Variants in ETS1 observed in about 807,000 individuals in gnomAD.
ETS1 encodes protein C-ets-1.
Under a neutral mutation model 58.6 loss-of-function variants are expected in ETS1, and 15 were observed. That is an observed-to-expected ratio of 0.26 (90% confidence interval 0.17 to 0.39). ETS1 has a LOEUF of 0.39. ETS1 is among the 10% of genes least tolerant of loss of function. ETS1 has a pLI of 1.00. For missense variants in ETS1, 417 were observed against 610.5 expected (o/e 0.68, Z 3.34); for synonymous variants, 214 against 218.2 (o/e 0.98, Z 0.17).
chr11:128,575,531 G>C (rs773022462), intron 1 of ETS1, among the ~76,000 whole-genome samples: 17 of 152,288 alleles, frequency 1.1e-4, no homozygotes, highest in Middle Eastern at 3.4e-3. Flanking sequence ...ACGGTCCTGG[G>C]CACTTGAAAC....
At chr11:128,583,628 A>C (rs1864918842) in intron 1 of ETS1, among the ~76,000 whole-genome samples, 1 of 152,204 alleles carries the variant, frequency 6.6e-6, no homozygotes, top group African/African-American at 2.4e-5. Flanking sequence ...CAAAGTGAAA[A>C]GTTTTTTTTA....
chr11:128,515,230 C>A (rs1277724509), intron 3 of ETS1, among the ~76,000 whole-genome samples: 1 of 151,712 alleles, frequency 6.6e-6, no homozygotes, highest in Non-Finnish European at 1.5e-5. Flanking sequence ...CCCTCTACTT[C>A]AAAGTTCATT....
intron 3 of ETS1, among the ~76,000 whole-genome samples, chr11:128,555,220 C>A (rs924948807): frequency 6.6e-6 from 1 of 152,194 alleles, no homozygotes; most frequent in East Asian, 1.9e-4. Context: ...CCATGGAGTG[C>A]CACAGCATCT....
intron 3 of ETS1, among the ~76,000 whole-genome samples, chr11:128,541,674 C>T (rs564655399): frequency 6.2e-4 from 95 of 152,230 alleles, no homozygotes; most frequent in Admixed American, 1.2e-3. Flanking sequence ...CCACAATGAT[C>T]CTGACAGATT....
At chr11:128,466,086 A>T (rs1862025982) in intron 8 of ETS1, among the ~76,000 whole-genome samples, 1 of 152,206 alleles carries the variant, frequency 6.6e-6, no homozygotes, top group African/African-American at 2.4e-5. Flanking sequence ...TTCTCACAGC[A>T]GTTGCAGGAC....
intron 3 of ETS1, among the ~76,000 whole-genome samples, chr11:128,541,596 G>C (rs764507142): frequency 6.6e-6 from 1 of 152,188 alleles, no homozygotes; most frequent in Non-Finnish European, 1.5e-5. Flanking sequence ...CAAAGTTTGT[G>C]TTGTTTTCTT....
chr11:128,473,411 T>C (rs1194479336), intron 8 of ETS1, among the ~76,000 whole-genome samples: 1 of 152,214 alleles, frequency 6.6e-6, no homozygotes, highest in Non-Finnish European at 1.5e-5. Flanking sequence ...CATAAACTAA[T>C]TCATTAGTTC....
intron 3 of ETS1, among the ~76,000 whole-genome samples, chr11:128,501,081 C>T (rs534882145): frequency 2.0e-5 from 3 of 152,288 alleles, no homozygotes; most frequent in African/African-American, 7.2e-5. Flanking sequence ...TATCTGGCAG[C>T]TTTTCCCCTG....
At chr11:128,585,020 GAA>G (rs1565420977) in intron 1 of ETS1, among the ~76,000 whole-genome samples, 187 of 15,890 alleles carry the variant, frequency 0.012, 25 homozygotes, top group East Asian at 0.023. Context: ...AGGAAAGAAA[GAA>G]GAAAGAAAGA....
intron 3 of ETS1, among the ~76,000 whole-genome samples, chr11:128,518,420 T>C (rs1771435312): frequency 6.6e-6 from 1 of 152,238 alleles, no homozygotes; most frequent in African/African-American, 2.4e-5. Context: ...ATAGTATTTA[T>C]TATGGATCAG....
At chr11:128,528,404 T>C (rs547543704) in intron 3 of ETS1, among the ~76,000 whole-genome samples, 3 of 152,214 alleles carry the variant, frequency 2.0e-5, no homozygotes, top group East Asian at 3.9e-4. Flanking sequence ...TTCTCAGTCT[T>C]TTCCTCACAT....
At chr11:128,495,127 C>T (rs560880854) in intron 3 of ETS1, among the ~76,000 whole-genome samples, 1 of 152,146 alleles carries the variant, frequency 6.6e-6, no homozygotes, top group Non-Finnish European at 1.5e-5. Flanking sequence ...GTCCCCATTT[C>T]ACAGATGAGG....
intron 8 of ETS1, among the ~76,000 whole-genome samples, chr11:128,469,952 G>A (rs558538247): frequency 4.6e-5 from 7 of 152,308 alleles, no homozygotes; most frequent in Admixed American, 6.5e-5. Flanking sequence ...TTCTATAAAC[G>A]TGTTCCTGTA....
chr11:128,556,169 G>T, intron 3 of ETS1, 122 bp downstream of exon 3: 1 of 840,682 alleles, frequency 1.2e-6, no homozygotes, highest in Non-Finnish European at 1.8e-6. Flanking sequence ...TTCCATTCAA[G>T]AACAATAGCA....
chr11:128,513,055 G>C (rs1332113004), intron 3 of ETS1, among the ~76,000 whole-genome samples: 2 of 152,240 alleles, frequency 1.3e-5, no homozygotes, highest in African/African-American at 4.8e-5. Context: ...TCTTGGTTCA[G>C]TGCTACCCAA....
rs540543990 is a variant in ETS1 at position 128,513,603 on chromosome 11, T to A, written c.215-23027A>T. On this transcript the variant is annotated intron_variant, in intron 3 of 9. Coordinates refer to ENST00000392668, the MANE Select transcript of ETS1 (RefSeq NM_001143820.2). The stretch of plus-strand genomic sequence containing the variant: ...GCATTTATTTCGTGTCTTAATGATG[T>A]GAGACAACTGATGCATAAGGTATGG... 2.0e-5 allele frequency among the ~76,000 whole-genome samples: 3 copies of A among 152,352 alleles called. No homozygotes were observed. The South Asian group carries it at 6.2e-4, about 32-fold the overall frequency.
chr11:128,576,430 AC>A (rs1864750719), intron 1 of ETS1, among the ~76,000 whole-genome samples: 1 of 151,300 alleles, frequency 6.6e-6, no homozygotes, highest in Admixed American at 6.6e-5. Flanking sequence ...CATCAGCTGC[AC>A]CAACTTTTTT....
intron 3 of ETS1, among the ~76,000 whole-genome samples, chr11:128,502,856 G>A (rs1305367891): frequency 6.6e-6 from 1 of 152,192 alleles, no homozygotes; most frequent in African/African-American, 2.4e-5. Flanking sequence ...AGGGAGGGAG[G>A]CACAGGCCGT....
At chr11:128,532,762 C>G (rs1309042073) in intron 3 of ETS1, among the ~76,000 whole-genome samples, 1 of 152,038 alleles carries the variant, frequency 6.6e-6, no homozygotes, top group Non-Finnish European at 1.5e-5. Context: ...TTGAATAGCT[C>G]TGTCTAAAAT....
Sources: allele counts gnomAD v4.1 joint callset (sites outside exome capture counted in the v4.1 genomes callset), GRCh38; gene constraint gnomAD v4.1.1; transcripts MANE v1.5; gene names NCBI Gene and HGNC (gene_info 2026-07-23, HGNC 2026-07-21).